ROS1: variants seen among roughly 807,000 people sequenced by gnomAD.
The protein encoded by ROS1 is ROS proto-oncogene 1, receptor tyrosine kinase.
ROS1 carries 263 observed loss-of-function variants against 273.5 expected under a neutral mutation model. The observed-to-expected ratio is 0.96, with a 90% CI of 0.87 to 1.06. ROS1 has a LOEUF of 1.06. Ranked by LOEUF, ROS1 falls within the 50% of genes least tolerant of loss-of-function variation. ROS1 has a pLI of 0.00. For synonymous variants in ROS1, 1,008 were observed against 954.1 expected, an observed-to-expected ratio of 1.06 and a Z score of -1.04; for missense variants, 2,833 against 2,751.1, an observed-to-expected ratio of 1.03 and a Z score of -0.67.
intron 18 of ROS1, among the ~76,000 whole-genome samples, chr6:117,370,579 A>C (rs1780687848): frequency 6.6e-6 from 1 of 152,190 alleles, no homozygotes. Flanking sequence ...AAATTATTGG[A>C]TATTTAAACA....
chr6:117,347,516 C>T (rs1046149651), intron 27 of ROS1, among the ~76,000 whole-genome samples: 2 of 152,146 alleles, frequency 1.3e-5, no homozygotes, highest in Admixed American at 6.5e-5. Context: ...TGAACAAAGA[C>T]AGCGTTATTT....
At chr6:117,369,783 T>C (rs1780602820) in intron 18 of ROS1, among the ~76,000 whole-genome samples, 1 of 152,188 alleles carries the variant, frequency 6.6e-6, no homozygotes, top group South Asian at 2.1e-4. Context: ...GCCAGAGCTG[T>C]CTGCCATACT....
intron 32 of ROS1, among the ~76,000 whole-genome samples, chr6:117,332,949 C>A (rs975168943): frequency 4.0e-5 from 6 of 151,726 alleles, no homozygotes; most frequent in African/African-American, 1.5e-4. Flanking sequence ...GAGGCAAGAG[C>A]AAACTAATCC....
intron 27 of ROS1, among the ~76,000 whole-genome samples, chr6:117,345,684 C>G (rs1310899303): frequency 6.6e-6 from 1 of 152,166 alleles, no homozygotes; most frequent in Non-Finnish European, 1.5e-5. Context: ...CCTTCACTTG[C>G]TAACTTTTTT....
chr6:117,312,835 T>C (rs1268080809), intron 39 of ROS1, among the ~76,000 whole-genome samples: 2 of 152,140 alleles, frequency 1.3e-5, no homozygotes, highest in Non-Finnish European at 2.9e-5. Context: ...TTGATCTCAA[T>C]CTATCCCTAG....
intron 23 of ROS1, 31 bp downstream of exon 23, chr6:117,360,311 A>G: frequency 1.5e-6 from 2 of 1,354,656 alleles, no homozygotes; most frequent in African/African-American, 1.9e-5. Flanking sequence ...CCTCTAAATT[A>G]TTATTTGCAC....
At position 117,365,627 on chromosome 6, in the gene ROS1, T is replaced by G. The variant is rs749533554; in HGVS notation, c.2912A>C (p.Asp971Ala). 1.9e-5 allele frequency: 31 copies of G among 1,612,576 alleles called. No individual in the cohort carries two copies. In the African/African-American group the frequency reaches 3.9e-4, roughly 20 times the overall value. ...QILWNGPPAV[D>A]WGVVFYSVEF... ...TACACTGTAGAAAACTACACCCCAG[T>G]CTACCGCAGGGGGACCATTCCACAG... Residue 971 changes from aspartate to alanine, a missense_variant, in exon 20 of 44, where the codon GAC becomes GCC. Transcript: ENST00000368507.
intron 35 of ROS1, among the ~76,000 whole-genome samples, chr6:117,321,630 A>G (rs1424569913): frequency 6.6e-6 from 1 of 152,116 alleles, no homozygotes; most frequent in Non-Finnish European, 1.5e-5. Context: ...CACTTCTTAA[A>G]ATTTAATGTA....
At position 117,414,519 on chromosome 6, in the gene ROS1, C is replaced by T. The variant is rs956676665; in HGVS notation, c.255G>A (p.Glu85=). The T allele has an allele frequency of 4.1e-6, 3 of 738,414 alleles. No homozygotes were observed. Among genetic ancestry groups the T allele is most frequent in the Non-Finnish European group, 7.4e-6 (3 of 407,336 alleles). The allele number at this position is 738,414 out of a possible 1,614,324, so 45.7% of individuals were successfully genotyped here. A position where few individuals can be genotyped will look rare whatever the true frequency, so the allele number is the denominator to read the frequency against. The change falls in exon 4 of 44, where the codon GAG becomes GAA. Residue 85 remains glutamate, a splice_region_variant and synonymous_variant. Transcript: ENST00000368507. The stretch of plus-strand genomic sequence containing the variant: ...ATCTTTTTTGTGATTGCCAACTCAC[C>T]TCACAAACGGTGGCATAAGTATCAT... ...KCNDTYATVC[E]RESCEVGCSS...
intron 35 of ROS1, among the ~76,000 whole-genome samples, chr6:117,322,990 G>A (rs1582618817): frequency 6.6e-6 from 1 of 152,288 alleles, no homozygotes; most frequent in South Asian, 2.1e-4. Flanking sequence ...GCAAAGGTCA[G>A]CTGAAGGATT....
At position 117,393,250 on chromosome 6, in the gene ROS1, T is replaced by C; in HGVS notation, c.1263A>G (p.Gln421=). 6.2e-7 allele frequency: 1 copy of C among 1,610,410 alleles called. No homozygotes were observed. ...CATTGTATGAATCAGCCACAATTTTTTGAGGTGCACTAATAGAGGGTGGAG... is the reference window on the plus strand; with the variant it reads ...CATTGTATGAATCAGCCACAATTTTCTGAGGTGCACTAATAGAGGGTGGAG... ...EITPPSISAP[Q]KIVADSYNGY... Residue 421 remains glutamine (Q), a synonymous_variant, in exon 12 of 44, where the codon CAA becomes CAG. Coordinates refer to ENST00000368507, the MANE Select transcript of ROS1 (RefSeq NM_001378902.1).
intron 32 of ROS1, 47 bp from the exon 33 acceptor site, chr6:117,329,493 A>C (rs952286801): frequency 3.4e-6 from 3 of 881,248 alleles, no homozygotes; most frequent in Non-Finnish European, 5.7e-6. Flanking sequence ...TGAAGTATTA[A>C]TCTTCTGCAC....
At chr6:117,424,794 G>T (rs1370141436) in intron 1 of ROS1, among the ~76,000 whole-genome samples, 18 of 152,078 alleles carry the variant, frequency 1.2e-4, no homozygotes, top group Admixed American at 1.2e-3. Flanking sequence ...CTTGCATTAT[G>T]TTTAAAAGTA....
chr6:117,408,504 C>T (rs1239651031), intron 5 of ROS1, among the ~76,000 whole-genome samples: 3 of 152,124 alleles, frequency 2.0e-5, no homozygotes, highest in Non-Finnish European at 2.9e-5. Flanking sequence ...CAAATCAAAA[C>T]CACAATGAGA....
intron 15 of ROS1, among the ~76,000 whole-genome samples, chr6:117,386,166 T>C (rs752089067): frequency 2.4e-4 from 36 of 152,236 alleles, no homozygotes; most frequent in Non-Finnish European, 4.7e-4. Context: ...ATTTTTGAGA[T>C]GGTAAACCTG....
chr6:117,377,159 G>A (rs1261101331), intron 18 of ROS1, among the ~76,000 whole-genome samples: 4 of 152,146 alleles, frequency 2.6e-5, no homozygotes, highest in Admixed American at 1.3e-4. Flanking sequence ...TGCCCAGGCT[G>A]GAGTGCAATG....
At chr6:117,394,517 A>G (rs1412583039) in intron 10 of ROS1, 99 bp downstream of exon 10, 1 of 1,017,692 alleles carries the variant, frequency 9.8e-7, no homozygotes. Flanking sequence ...TTAAGAGAAT[A>G]TGTTCCAGAA....
At chr6:117,347,138 T>C (rs139108954) in intron 27 of ROS1, among the ~76,000 whole-genome samples, 2 of 152,266 alleles carry the variant, frequency 1.3e-5, no homozygotes, top group African/African-American at 2.4e-5. Context: ...TTTTATTGAA[T>C]CTATAGATAA....
chr6:117,301,005 G>A lies in ROS1; in HGVS notation c.6684C>T (p.Asn2228=), dbSNP rs2128536688. 1 of 1,588,482 alleles carries A rather than the reference G, an allele frequency of 6.3e-7. No individual in the cohort carries two copies. Among genetic ancestry groups the A allele is most frequent in the Non-Finnish European group, 8.5e-7 (1 of 1,170,398 alleles). ...AGCTTTCATTTATGACTCCACTGTT[G>A]TTTGCTTCATCTCTGGACTTATAAA... ...NSIYKSRDEA[N]NSGVINESFE... Residue 2228 remains asparagine (N), a synonymous_variant, in exon 43 of 44, where the codon AAC becomes AAT. Coordinates refer to ENST00000368507, the MANE Select transcript of ROS1 (RefSeq NM_001378902.1).
Sources: gnomAD v4.1 joint callset for allele counts (sites outside exome capture counted in the v4.1 genomes callset) on GRCh38, gnomAD v4.1.1 for gene constraint, MANE v1.5 for transcripts, NCBI Gene and HGNC (gene_info 2026-07-23, HGNC 2026-07-21) for gene names.